NCOR2: variants seen among roughly 807,000 people sequenced by gnomAD.
NCOR2 encodes the protein nuclear receptor corepressor 2.
Under a neutral mutation model 262.9 loss-of-function variants are expected in NCOR2, and 81 were observed. The observed-to-expected ratio is 0.31, with a 90% confidence interval of 0.26 to 0.37. The LOEUF (loss-of-function observed/expected upper bound fraction) is 0.37. NCOR2 is among the 10% of genes least tolerant of loss of function. The probability of loss-of-function intolerance (pLI) is 1.00; values close to 1 mark genes in which losing one functional copy is unlikely to be tolerated. For missense variants in NCOR2, 3,385 were observed against 3,621.4 expected (o/e 0.93, Z 1.68); for synonymous variants, 1,659 against 1,559.3 (o/e 1.06, Z -1.51).
chr12:124,339,900 C>CCCCCCCCT, intron 37 of NCOR2, 106 bp downstream of exon 39: 4 of 659,510 alleles, frequency 6.1e-6, no homozygotes, highest in South Asian at 2.0e-5. Context: ...TCTGCCCACC[C>CCCCCCCCT]ACCCACCTCC....
rs577888283 is a variant in NCOR2 at position 124,408,064 on chromosome 12, C to T, written c.1483-5503G>A. 2.6e-5 allele frequency among the ~76,000 whole-genome samples: 4 copies of T among 152,184 alleles called. No homozygotes were observed. The East Asian group carries it at 7.7e-4, about 29-fold the overall frequency. ...AAGGGTTGTCTTTTTATAAGATATA[C>T]CAAGGCGTGGCGGGGCGCGGTGGCT... On this transcript the variant is annotated intron_variant, in intron 13 of 46. Transcript: ENST00000405201.
rs141604846 is a variant in NCOR2, at chr12:124,559,594, T to C, written c.-165+7714A>G. Reference sequence around the variant, plus strand: ...AGCATCTTGCAACAAGTGTTTTCCTTTGCTCGGCTCCTGCCTGATCCATTC... The same window carrying C: ...AGCATCTTGCAACAAGTGTTTTCCTCTGCTCGGCTCCTGCCTGATCCATTC... On this transcript the variant is annotated intron_variant, in intron 1 of 32. Coordinates refer to the NCOR2 transcript ENST00000458234. 6.8e-4 allele frequency among the ~76,000 whole-genome samples: 104 copies of C among 152,340 alleles called. 1 individual carries two copies. The East Asian group carries it at 0.015, about 23-fold the overall frequency.
intron 17 of NCOR2, among the ~76,000 whole-genome samples, chr12:124,379,405 A>G (rs1033393759): frequency 6.6e-6 from 1 of 152,200 alleles, no homozygotes; most frequent in African/African-American, 2.4e-5. Flanking sequence ...AGGCTCAGAA[A>G]GCGTTTGTTG....
intron 13 of NCOR2, among the ~76,000 whole-genome samples, chr12:124,417,069 G>A (rs1384572627): frequency 7.2e-6 from 1 of 139,526 alleles, no homozygotes; most frequent in African/African-American, 3.1e-5. Flanking sequence ...CTCACTCCAC[G>A]GAGAGCAGGC....
chr12:124,355,245 G>A, intron 24 of NCOR2, 187 bp downstream of exon 26: 1 of 687,386 alleles, frequency 1.5e-6, no homozygotes, highest in Non-Finnish European at 2.4e-6. Context: ...GCAATACAGA[G>A]TGACCCCCCA....
Position 124,378,169 on chromosome 12 carries a change from C to T in NCOR2, c.2167+68G>A, listed in dbSNP as rs2040165013. The T allele has an allele frequency of 8.9e-6, 14 of 1,573,618 alleles. No homozygotes were observed. In the South Asian group the frequency reaches 1.7e-4, roughly 19 times the overall value. On this transcript the variant is annotated intron_variant, in intron 18 of 46. Transcript: ENST00000405201. This position sits in a 1 kb window ranked among gnomAD's most constrained non-coding sequence, Gnocchi z 4.2. ...GAGAGGAGGCTGCCGGGATCAGTTC[C>T]CGCTATGCCCTCCCTCAGAGCTCGG...
chr12:124,376,097 C>T (rs955894113), intron 18 of NCOR2, among the ~76,000 whole-genome samples: 2 of 152,294 alleles, frequency 1.3e-5, no homozygotes, highest in East Asian at 1.9e-4. Context: ...CTGGGCTCCT[C>T]GTCCTTAAGA....
chr12:124,371,383 G>A (rs2039499067), intron 20 of NCOR2, among the ~76,000 whole-genome samples: 1 of 152,252 alleles, frequency 6.6e-6, no homozygotes, highest in Non-Finnish European at 1.5e-5. Context: ...CTCTGTGAAT[G>A]TGACCTTATT....
rs567857606 is a variant in NCOR2 at position 124,449,063 on chromosome 12, A to C, written c.815+752T>G. ...TTGGGTTCCTGGGCACTAACATGAGATAACATGCCCTCCTCGGCCCAACAG... is the reference window on the plus strand; with the variant it reads ...TTGGGTTCCTGGGCACTAACATGAGCTAACATGCCCTCCTCGGCCCAACAG... On this transcript the variant is annotated intron_variant, in intron 7 of 46. Coordinates refer to ENST00000405201, the Ensembl canonical transcript of NCOR2. Among the ~76,000 whole-genome samples the C allele has an allele frequency of 3.3e-5, 5 of 152,276 alleles. No homozygotes were observed. The South Asian group carries it at 1.0e-3, about 32-fold the overall frequency.
At chr12:124,348,711 G>A (rs1366459363) in intron 28 of NCOR2, 1 of 219,550 alleles carries the variant, frequency 4.6e-6, no homozygotes, top group Non-Finnish European at 9.1e-6. Flanking sequence ...CGCATCAGCA[G>A]TGTGTGGATG....
Position 124,378,147 on chromosome 12 carries a change from A to G in NCOR2, c.2167+90T>C. 6.5e-7 allele frequency: 1 copy of G among 1,538,716 alleles called. No individual in the cohort carries two copies. The highest frequency in any genetic ancestry group is 8.7e-7 in the Non-Finnish European group (1 of 1,143,344). On this transcript the variant is annotated intron_variant, in intron 18 of 46. Transcript: ENST00000405201. This position sits in a 1 kb window ranked among gnomAD's most constrained non-coding sequence, Gnocchi z 4.2. ...GGAGGACCCAGATGACTCAGGGGAG[A>G]GGAGGCTGCCGGGATCAGTTCCCGC...
intron 13 of NCOR2, among the ~76,000 whole-genome samples, chr12:124,415,478 C>A (rs2042809510): frequency 6.6e-6 from 1 of 152,252 alleles, no homozygotes; most frequent in African/African-American, 2.4e-5. Flanking sequence ...ACTTGAGAAC[C>A]CCTGTTTACC....
chr12:124,362,286 T>C (rs1001959616), exon 22 of NCOR2: 4 of 1,315,480 alleles, frequency 3.0e-6, no homozygotes, highest in African/African-American at 3.0e-5. Flanking sequence ...GCTCATGGAC[T>C]TTGGTGACCT....
chr12:124,411,146 C>T lies in NCOR2; in HGVS notation c.1483-8585G>A, dbSNP rs76813987. Among the ~76,000 whole-genome samples the T allele has an allele frequency of 0.011, 1,710 of 149,576 alleles. 89 individuals carry two copies. In the East Asian group the frequency reaches 0.18, roughly 16 times the overall value. ...CTTAGATGGGGGAAAGAGAGAGAGA[C>T]GGGAAAGCACATGCAGAGAAACAGA... On this transcript the variant is annotated intron_variant, in intron 13 of 46. Transcript: ENST00000405201.
upstream of NCOR2, among the ~76,000 whole-genome samples, chr12:124,498,543 C>A (rs907151492): frequency 6.6e-6 from 1 of 152,176 alleles, no homozygotes; most frequent in Non-Finnish European, 1.5e-5. Context: ...AGTTTCCAAC[C>A]CCTCCCGACC....
chr12:124,415,782 T>C (rs2042825983), intron 13 of NCOR2, among the ~76,000 whole-genome samples: 1 of 152,064 alleles, frequency 6.6e-6, no homozygotes, highest in African/African-American at 2.4e-5. Context: ...ACATCTCCGG[T>C]GTAAAGAGGG....
chr12:124,487,417 C>T (rs911264497), intron 1 of NCOR2, among the ~76,000 whole-genome samples: 10 of 152,274 alleles, frequency 6.6e-5, no homozygotes, highest in South Asian at 2.1e-4. Flanking sequence ...AATAACACAC[C>T]GTCGTCCATT....
chr12:124,463,770 C>T (rs1192412412), intron 5 of NCOR2, among the ~76,000 whole-genome samples: 1 of 152,232 alleles, frequency 6.6e-6, no homozygotes, highest in African/African-American at 2.4e-5. Context: ...GGGCCTCCCG[C>T]ACATTAGGCT....
intron 18 of NCOR2, among the ~76,000 whole-genome samples, chr12:124,375,710 C>T (rs1046325798): frequency 1.3e-5 from 2 of 152,230 alleles, no homozygotes; most frequent in African/African-American, 4.8e-5. Flanking sequence ...CTTGGATAAC[C>T]CCGCTATGCC....
Sources: allele counts gnomAD v4.1 joint callset (sites outside exome capture counted in the v4.1 genomes callset), GRCh38; gene constraint gnomAD v4.1.1; non-coding constraint Gnocchi (gnomAD v3.1); transcripts MANE v1.5; gene names NCBI Gene and HGNC (gene_info 2026-07-23, HGNC 2026-07-21).